TRPC7: variants seen among roughly 807,000 people sequenced by gnomAD.
TRPC7 encodes the protein transient receptor potential cation channel subfamily C member 7.
In TRPC7, 42 loss-of-function variants were observed where a neutral mutation model predicts 90.1. The ratio of observed to expected loss-of-function variants is 0.47; its 90% confidence interval spans 0.36 to 0.60. TRPC7 has a LOEUF of 0.60. Among genes scored for constraint, TRPC7 ranks in the 20% least tolerant of loss-of-function variants. The probability of loss-of-function intolerance (pLI) is 0.00; values close to 1 mark genes in which losing one functional copy is unlikely to be tolerated. For missense variants in TRPC7, 955 were observed against 1,112.3 expected, an observed-to-expected ratio of 0.86 and a Z score of 2.01; for synonymous variants, 451 against 436.3, an observed-to-expected ratio of 1.03 and a Z score of -0.42.
At chr5:136,299,829 G>A (rs954591061) in intron 3 of TRPC7, among the ~76,000 whole-genome samples, 2 of 152,204 alleles carry the variant, frequency 1.3e-5, no homozygotes, top group African/African-American at 2.4e-5. Context: ...CTTTGGGCTA[G>A]TAAATGCATC....
At chr5:136,268,622 A>G (rs771032295) in intron 4 of TRPC7, among the ~76,000 whole-genome samples, 3 of 152,204 alleles carry the variant, frequency 2.0e-5, no homozygotes, top group Non-Finnish European at 4.4e-5. Context: ...GGTTTAAGGA[A>G]TTTAATATTC....
At chr5:136,295,777 A>G (rs1279117869) in intron 3 of TRPC7, among the ~76,000 whole-genome samples, 2 of 152,240 alleles carry the variant, frequency 1.3e-5, no homozygotes, top group Non-Finnish European at 2.9e-5. Context: ...CCATAGAAGC[A>G]TGTAGGCTGA....
intron 5 of TRPC7, among the ~76,000 whole-genome samples, chr5:136,265,691 T>TA (rs1757001062): frequency 6.6e-6 from 1 of 152,138 alleles, no homozygotes; most frequent in Non-Finnish European, 1.5e-5. Flanking sequence ...CAGCATGAAA[T>TA]ACCACTACAA....
At chr5:136,357,623 C>T (rs531452732) in intron 1 of TRPC7, among the ~76,000 whole-genome samples, 22 of 152,102 alleles carry the variant, frequency 1.4e-4, no homozygotes, top group East Asian at 5.8e-4. Flanking sequence ...TGGGTGGAGA[C>T]GGGGTGGCAG....
intron 4 of TRPC7, among the ~76,000 whole-genome samples, chr5:136,269,617 G>T (rs1757143541): frequency 6.6e-6 from 1 of 152,186 alleles, no homozygotes; most frequent in Non-Finnish European, 1.5e-5. Context: ...GGGTGCCATG[G>T]TCTTAAGCAA....
At chr5:136,302,864 C>T (rs975496409) in intron 3 of TRPC7, among the ~76,000 whole-genome samples, 1 of 151,960 alleles carries the variant, frequency 6.6e-6, no homozygotes, top group Non-Finnish European at 1.5e-5. Flanking sequence ...AAACTCATCC[C>T]AAATCTTCCT....
chr5:136,245,407 G>A (rs1351158260), intron 7 of TRPC7, among the ~76,000 whole-genome samples: 4 of 152,154 alleles, frequency 2.6e-5, no homozygotes, highest in Non-Finnish European at 4.4e-5. Context: ...ATAATTCTGA[G>A]CTAAGTGGCA....
intron 1 of TRPC7, among the ~76,000 whole-genome samples, chr5:136,358,811 A>G (rs1036269647): frequency 1.3e-5 from 2 of 152,068 alleles, no homozygotes; most frequent in African/African-American, 4.8e-5. Flanking sequence ...TTCTACCTGT[A>G]TTTTCTATTT....
intron 3 of TRPC7, among the ~76,000 whole-genome samples, chr5:136,281,716 C>T (rs560316717): frequency 6.6e-6 from 1 of 152,254 alleles, no homozygotes; most frequent in Non-Finnish European, 1.5e-5. Context: ...TTCGTTAGGT[C>T]TCAATTTCTC....
intron 4 of TRPC7, among the ~76,000 whole-genome samples, chr5:136,269,400 AG>A (rs1757132593): frequency 6.6e-6 from 1 of 152,230 alleles, no homozygotes; most frequent in South Asian, 2.1e-4. Flanking sequence ...TTTACTGGTC[AG>A]CACCAACTCT....
At chr5:136,355,362 G>A (rs868008000) in intron 2 of TRPC7, among the ~76,000 whole-genome samples, 1 of 152,226 alleles carries the variant, frequency 6.6e-6, no homozygotes, top group Admixed American at 6.5e-5. Context: ...CTATTTACTA[G>A]CTATGTGATC....
chr5:136,338,465 C>T (rs1460401531), intron 2 of TRPC7, among the ~76,000 whole-genome samples: 1 of 152,236 alleles, frequency 6.6e-6, no homozygotes, highest in Non-Finnish European at 1.5e-5. Flanking sequence ...GATGGTACCA[C>T]ATCACCTGAT....
At chr5:136,220,834 G>T (rs1463483068) in intron 10 of TRPC7, among the ~76,000 whole-genome samples, 3 of 151,992 alleles carry the variant, frequency 2.0e-5, no homozygotes, top group Non-Finnish European at 4.4e-5. Context: ...GGGCATCATG[G>T]TCCTACCGAT....
In TRPC7 at chr5:136,365,399, G is replaced by A; in HGVS notation, c.-145C>T. The A allele has an allele frequency of 1.2e-6, 1 of 839,370 alleles. No homozygotes were observed. The allele number at this position is 839,370 out of a possible 1,614,324, so 52.0% of individuals were successfully genotyped here. A position where few individuals can be genotyped will look rare whatever the true frequency, so the allele number is the denominator to read the frequency against. Reference sequence around the variant, plus strand: ...GTATAGAGCTGGTCAAGTGAGTTAAGTTGCAACGATGTGAAAGCGCGCTCC... The same window carrying A: ...GTATAGAGCTGGTCAAGTGAGTTAAATTGCAACGATGTGAAAGCGCGCTCC... On this transcript the variant is annotated 5_prime_UTR_variant, in exon 1 of 12. Coordinates refer to ENST00000513104, the MANE Select transcript of TRPC7 (RefSeq NM_020389.3).
chr5:136,277,021 A>G (rs997939626), intron 3 of TRPC7, among the ~76,000 whole-genome samples: 1 of 152,186 alleles, frequency 6.6e-6, no homozygotes, highest in Non-Finnish European at 1.5e-5. Context: ...GACTCACCCT[A>G]TGGCTCCCTG....
intron 10 of TRPC7, among the ~76,000 whole-genome samples, chr5:136,219,359 T>C (rs1167026607): frequency 6.6e-6 from 1 of 152,258 alleles, no homozygotes; most frequent in African/African-American, 2.4e-5. Flanking sequence ...CAGAATCAGA[T>C]GAGCACTGCA....
chr5:136,351,337 A>G (rs1201020293), intron 2 of TRPC7, among the ~76,000 whole-genome samples: 1 of 152,230 alleles, frequency 6.6e-6, no homozygotes, highest in Admixed American at 6.5e-5. Flanking sequence ...TATTTTCCCA[A>G]TAGAAAAGGA....
intron 2 of TRPC7, among the ~76,000 whole-genome samples, chr5:136,341,609 G>A (rs1759850981): frequency 6.6e-6 from 1 of 152,236 alleles, no homozygotes; most frequent in East Asian, 1.9e-4. Context: ...ACTTCTTGCT[G>A]TCTATTTTGG....
intron 3 of TRPC7, chr5:136,314,160 A>G (rs948511428): frequency 3.9e-5 from 6 of 152,266 alleles, no homozygotes; most frequent in African/African-American, 1.4e-4. Context: ...GACAACTTCC[A>G]TCTTCACCAT....
Sources: gnomAD v4.1 joint callset for allele counts (sites outside exome capture counted in the v4.1 genomes callset) on GRCh38, gnomAD v4.1.1 for gene constraint, MANE v1.5 for transcripts, NCBI Gene and HGNC (gene_info 2026-07-23, HGNC 2026-07-21) for gene names.